NYAP2: variants seen among roughly 807,000 people sequenced by gnomAD.
The protein encoded by NYAP2 is neuronal tyrosine-phosphorylated phosphoinositide-3-kinase adapter 2.
In NYAP2, 23 loss-of-function variants were observed where a neutral mutation model predicts 50.4. The observed-to-expected ratio is 0.46, with a 90% CI of 0.33 to 0.65. The LOEUF (loss-of-function observed/expected upper bound fraction) is 0.65. Among genes scored for constraint, NYAP2 ranks in the 30% least tolerant of loss-of-function variants. NYAP2 has a pLI of 0.02. For synonymous variants in NYAP2, 394 were observed against 365.2 expected, an observed-to-expected ratio of 1.08 and a Z score of -0.90; for missense variants, 885 against 861.0, an observed-to-expected ratio of 1.03 and a Z score of -0.35.
exon 6 of NYAP2, chr2:225,627,043 G>A: frequency 6.3e-7 from 1 of 1,597,540 alleles, no homozygotes; most frequent in Non-Finnish European, 8.5e-7. Context: ...GAATGGGATG[G>A]AACACCAGGG....
chr2:225,485,794 CA>C (rs963346976), intron 3 of NYAP2, among the ~76,000 whole-genome samples: 10 of 152,158 alleles, frequency 6.6e-5, no homozygotes, highest in African/African-American at 1.9e-4. Context: ...GCCATTACCT[CA>C]AAAAGCTTCA....
the NYAP2 span, among the ~76,000 whole-genome samples, chr2:225,677,309 C>T: frequency 6.6e-5 from 10 of 152,178 alleles, no homozygotes; most frequent in East Asian, 1.4e-3. Context: ...AGGAGCTTTT[C>T]GGTGGAGTCT....
At chr2:225,574,884 G>A (rs762826707) in intron 4 of NYAP2, among the ~76,000 whole-genome samples, 5 of 152,118 alleles carry the variant, frequency 3.3e-5, no homozygotes, top group South Asian at 2.1e-4. Flanking sequence ...TTTTACTGGC[G>A]GAGTTCTGAA....
intron 3 of NYAP2, among the ~76,000 whole-genome samples, chr2:225,411,382 G>C (rs956711172): frequency 1.3e-5 from 2 of 152,100 alleles, no homozygotes; most frequent in African/African-American, 4.8e-5. Flanking sequence ...CAATGGCAAA[G>C]ACTAAAAGGG....
intron 4 of NYAP2, among the ~76,000 whole-genome samples, chr2:225,576,944 C>T (rs545317715): frequency 6.6e-6 from 1 of 152,066 alleles, no homozygotes; most frequent in Non-Finnish European, 1.5e-5. Context: ...ACAAGGCTAA[C>T]CTCTGTTGTA....
the NYAP2 span, among the ~76,000 whole-genome samples, chr2:225,696,425 A>T: frequency 6.6e-6 from 1 of 151,942 alleles, no homozygotes; most frequent in Non-Finnish European, 1.5e-5. Context: ...AAATGAATTG[A>T]CCTTCATTAT....
intron 6 of NYAP2, among the ~76,000 whole-genome samples, chr2:225,642,940 T>C (rs935138015): frequency 2.6e-5 from 4 of 152,164 alleles, no homozygotes; most frequent in Non-Finnish European, 4.4e-5. Context: ...TTTGAACAAA[T>C]AGCAAACTTG....
chr2:225,559,947 C>T (rs1230054649), intron 4 of NYAP2, among the ~76,000 whole-genome samples: 4 of 151,990 alleles, frequency 2.6e-5, no homozygotes, highest in African/African-American at 9.7e-5. Context: ...ATTAGGAATG[C>T]ATGATGTAAA....
chr2:225,476,526 T>C (rs906901935), intron 3 of NYAP2, among the ~76,000 whole-genome samples: 2 of 152,206 alleles, frequency 1.3e-5, no homozygotes, highest in Non-Finnish European at 2.9e-5. Flanking sequence ...TTTAACAGGC[T>C]TTTAAAACAG....
At chr2:225,420,769 C>T (rs1695203563) in intron 3 of NYAP2, among the ~76,000 whole-genome samples, 1 of 151,786 alleles carries the variant, frequency 6.6e-6, no homozygotes, top group South Asian at 2.1e-4. Context: ...TGCCACCATA[C>T]CCGGCTAATT....
chr2:225,434,488 G>C lies in NYAP2; in HGVS notation c.221+25387G>C, dbSNP rs116417043. 5.0e-3 allele frequency among the ~76,000 whole-genome samples: 765 copies of C among 152,292 alleles called. 6 individuals are homozygous for C. The highest frequency in any genetic ancestry group is 0.017 in the African/African-American group (715 of 41,558). On this transcript the variant is annotated intron_variant, in intron 3 of 6. Coordinates refer to ENST00000636099, the Ensembl canonical transcript of NYAP2. ...TTAATTCTTTGAATTTTCATGAAGAGAGAAGCAGTTTTTTGAAAATGTTCA... is the reference window on the plus strand; with the variant it reads ...TTAATTCTTTGAATTTTCATGAAGACAGAAGCAGTTTTTTGAAAATGTTCA...
chr2:225,443,005 T>A (rs1410269654), intron 3 of NYAP2, among the ~76,000 whole-genome samples: 1 of 152,166 alleles, frequency 6.6e-6, no homozygotes, highest in Non-Finnish European at 1.5e-5. Flanking sequence ...GCAGGGGAAC[T>A]GCCTTTTATA....
intron 4 of NYAP2, among the ~76,000 whole-genome samples, chr2:225,557,078 A>G (rs1691791304): frequency 6.6e-6 from 1 of 152,226 alleles, no homozygotes; most frequent in South Asian, 2.1e-4. Context: ...TTTTAGATAT[A>G]GAACAGATTA....
chr2:225,637,525 G>A (rs6436575), intron 6 of NYAP2, among the ~76,000 whole-genome samples: 1 of 151,818 alleles, frequency 6.6e-6, no homozygotes, highest in Non-Finnish European at 1.5e-5. Flanking sequence ...TGGCTTCCCC[G>A]GGGAACATTT....
chr2:225,478,049 T>C (rs112281559), intron 3 of NYAP2, among the ~76,000 whole-genome samples: 1 of 152,162 alleles, frequency 6.6e-6, no homozygotes, highest in African/African-American at 2.4e-5. Context: ...CCAGGAACGG[T>C]TGAAATTAAT....
the NYAP2 span, among the ~76,000 whole-genome samples, chr2:225,696,436 C>T: frequency 6.6e-6 from 1 of 151,978 alleles, no homozygotes; most frequent in African/African-American, 2.4e-5. Flanking sequence ...CCTTCATTAT[C>T]CTATTTAAAC....
chr2:225,697,667 T>G, the NYAP2 span, among the ~76,000 whole-genome samples: 1 of 151,846 alleles, frequency 6.6e-6, no homozygotes, highest in Non-Finnish European at 1.5e-5. Context: ...AATAAGACAA[T>G]GGAGCCAACA....
At chr2:225,524,875 TC>T (rs1241011540) in intron 4 of NYAP2, among the ~76,000 whole-genome samples, 1 of 151,796 alleles carries the variant, frequency 6.6e-6, no homozygotes, top group Non-Finnish European at 1.5e-5. Context: ...TATAAGAAAC[TC>T]AAACAACTAA....
At chr2:225,630,755 T>C (rs949836683) in intron 6 of NYAP2, among the ~76,000 whole-genome samples, 3 of 152,248 alleles carry the variant, frequency 2.0e-5, no homozygotes, top group Non-Finnish European at 4.4e-5. Flanking sequence ...AGGGATAATG[T>C]AATTCAGTTT....
Sources: allele counts gnomAD v4.1 joint callset (sites outside exome capture counted in the v4.1 genomes callset), GRCh38; gene constraint gnomAD v4.1.1; transcripts MANE v1.5; gene names NCBI Gene and HGNC (gene_info 2026-07-23, HGNC 2026-07-21).